Variants in SFXN4 observed in about 807,000 individuals in gnomAD.
The protein encoded by SFXN4 is sideroflexin 4, also known as sideroflexin-4.
A neutral mutation model predicts 54.6 loss-of-function variants in SFXN4; 48 were observed. The ratio of observed to expected loss-of-function variants is 0.88; its 90% CI spans 0.70 to 1.12. The LOEUF (loss-of-function observed/expected upper bound fraction) is 1.12, where lower values mean the gene tolerates loss of function less well. Among genes scored for constraint, SFXN4 ranks in the 50% most tolerant of loss-of-function variants. SFXN4 has a pLI of 0.00. For synonymous variants in SFXN4, 130 were observed against 145.5 expected, an observed-to-expected ratio of 0.89 and a Z score of 0.77; for missense variants, 383 against 409.2, an observed-to-expected ratio of 0.94 and a Z score of 0.55.
chr10:119,146,464 C>CGTGT lies in SFXN4; in HGVS notation c.819-115_819-112dup, dbSNP rs33947324. On this transcript the variant is annotated intron_variant, in intron 12 of 13. Transcript: ENST00000355697. Reference sequence around the variant, plus strand: ...GTGTGTGTGTGTGTGTGTGTGTGCACGTGTGTGTGTACCTGAACACCTGGA... The same window carrying CGTGT: ...GTGTGTGTGTGTGTGTGTGTGTGCACGTGTGTGTGTGTGTACCTGAACACCTGGA... 2.2e-4 allele frequency: 109 copies of CGTGT among 488,450 alleles called. No homozygotes were observed. In the East Asian group the frequency reaches 3.5e-3, roughly 16 times the overall value. The allele number at this position is 488,450 out of a possible 1,614,324, so 30.3% of individuals were successfully genotyped here. A position where few individuals can be genotyped will look rare whatever the true frequency, so the allele number is the denominator to read the frequency against.
chr10:119,153,787 C>T (rs1403509441), intron 11 of SFXN4, among the ~76,000 whole-genome samples: 25 of 152,182 alleles, frequency 1.6e-4, no homozygotes, highest in Admixed American at 1.6e-3. Flanking sequence ...GTCACCATGG[C>T]AACAGTACCC....
chr10:119,164,388 G>A (rs1402187197), intron 1 of SFXN4, among the ~76,000 whole-genome samples, 192 bp from the exon 2 acceptor site: 2 of 151,936 alleles, frequency 1.3e-5, no homozygotes, highest in Non-Finnish European at 1.5e-5. Context: ...GGCTTAGAGG[G>A]ACTCCTGAAT....
intron 10 of SFXN4, among the ~76,000 whole-genome samples, chr10:119,155,735 C>T (rs1049919334): frequency 6.6e-6 from 1 of 152,128 alleles, no homozygotes; most frequent in Non-Finnish European, 1.5e-5. Flanking sequence ...TCAAGTGATC[C>T]ACCCGCAATG....
At position 119,146,303 on chromosome 10, in the gene SFXN4, G is replaced by C. The variant is rs763996289; in HGVS notation, c.869C>G (p.Ser290Cys). 7 of 1,613,644 alleles carry C rather than the reference G, an allele frequency of 4.3e-6. No homozygotes were observed. The East Asian group carries it at 1.6e-4, about 36-fold the overall frequency. ...NPGSLWILKL[S>C]CTVLAMGLMV... is the part of the protein sequence containing the mutation. ...CAGTCCCATTGCCAGGACAGTACAAGACAGTTTCAAAATCCACAATGACCC... is the reference window on the plus strand; with the variant it reads ...CAGTCCCATTGCCAGGACAGTACAACACAGTTTCAAAATCCACAATGACCC... The change falls in exon 13 of 14, where the codon TCT becomes TGT. Residue 290 changes from serine (S) to cysteine (C), a missense_variant. Physicochemically the swap from Ser to Cys is moderately radical, Grantham distance 112 (BLOSUM62 -1). Transcript: ENST00000355697.
intron 13 of SFXN4, among the ~76,000 whole-genome samples, chr10:119,143,916 T>C (rs939369185): frequency 6.6e-6 from 1 of 152,184 alleles, no homozygotes; most frequent in African/African-American, 2.4e-5. Flanking sequence ...GTGCCTGGCC[T>C]GAAATTTTAT....
At chr10:119,148,131 C>T (rs549143544) in intron 11 of SFXN4, among the ~76,000 whole-genome samples, 10 of 152,170 alleles carry the variant, frequency 6.6e-5, no homozygotes, top group African/African-American at 2.2e-4. Context: ...AAGATCACGC[C>T]ACTGCACTCC....
rs987632424 is a variant in SFXN4, at chr10:119,146,299, A to G, written c.873T>C (p.Cys291=). ...CCATCAGTCCCATTGCCAGGACAGT[A>G]CAAGACAGTTTCAAAATCCACAATG... ...PGSLWILKLS[C]TVLAMGLMVP... Residue 291 remains cysteine, a synonymous_variant, in exon 13 of 14, where the codon TGT becomes TGC. Coordinates refer to ENST00000355697, the MANE Select transcript of SFXN4 (RefSeq NM_213649.2). 13 of 1,613,826 alleles carry G rather than the reference A, an allele frequency of 8.1e-6. No individual in the cohort carries two copies. Among genetic ancestry groups the G allele is most frequent in the Admixed American group, 5.0e-5 (3 of 59,982 alleles).
chr10:119,164,071 C>CA, intron 2 of SFXN4, 60 bp downstream of exon 2: 1 of 766,508 alleles, frequency 1.3e-6, no homozygotes, highest in Non-Finnish European at 2.1e-6. Context: ...AAAAGGGACA[C>CA]ACAGACTTCA....
chr10:119,149,607 G>A (rs1305559149), intron 11 of SFXN4, among the ~76,000 whole-genome samples: 4 of 152,106 alleles, frequency 2.6e-5, no homozygotes, highest in East Asian at 3.9e-4. Flanking sequence ...AAAATTAGCC[G>A]GGCGTGGTGG....
intron 12 of SFXN4, among the ~76,000 whole-genome samples, chr10:119,147,335 C>G (rs776016042): frequency 1.2e-4 from 19 of 152,224 alleles, no homozygotes; most frequent in Non-Finnish European, 2.6e-4. Context: ...GGTCCTCCGC[C>G]TCGTAGGCCA....
Position 119,155,116 on chromosome 10 carries a change from C to G in SFXN4, c.678G>C (p.Ala226=). 1 of 1,614,176 alleles carries G rather than the reference C, an allele frequency of 6.2e-7. No individual in the cohort carries two copies. The highest frequency in any genetic ancestry group is 8.5e-7 in the Non-Finnish European group (1 of 1,179,996). Residue 226 remains alanine, a synonymous_variant, in exon 11 of 14, where the codon GCG becomes GCC. Transcript: ENST00000355697. ...GGACATTGCCTTCCTTGTCCATGAC[C>G]GCAATCCCCTTAATGGATTCAAGAC... ...SRSLESIKGI[A]VMDKEGNVLG...
intron 11 of SFXN4, among the ~76,000 whole-genome samples, chr10:119,153,852 C>G (rs1420635092): frequency 6.6e-6 from 1 of 152,146 alleles, no homozygotes; most frequent in Non-Finnish European, 1.5e-5. Context: ...TCTGCAGACA[C>G]AGGGCACGTC....
Position 119,160,736 on chromosome 10 carries a change from C to T in SFXN4, c.334+179G>A, listed in dbSNP as rs567528584. Among the ~76,000 whole-genome samples the T allele has an allele frequency of 1.7e-3, 254 of 152,032 alleles. 4 individuals are homozygous for T. The highest frequency in any genetic ancestry group is 5.8e-3 in the African/African-American group (241 of 41,494). On this transcript the variant is annotated intron_variant, in intron 5 of 13. Transcript: ENST00000355697. The stretch of plus-strand genomic sequence containing the variant: ...TCAGCCTCCTGAGTAACTGGGACTA[C>T]AGGCACGTGCCACCACAATGCCCAA...
chr10:119,161,443 A>T (rs1199870744), intron 3 of SFXN4, among the ~76,000 whole-genome samples: 1 of 151,892 alleles, frequency 6.6e-6, no homozygotes, highest in South Asian at 2.1e-4. Context: ...AAAACAAAAA[A>T]AAAAAAAAAG....
intron 6 of SFXN4, 135 bp from the exon 7 acceptor site, chr10:119,158,197 A>G (rs1589643798): frequency 2.5e-6 from 2 of 787,218 alleles, no homozygotes; most frequent in Non-Finnish European, 4.4e-6. Context: ...TGGTGGGTAC[A>G]GGGGCTGCCG....
rs1435817142 is a variant in SFXN4, at chr10:119,162,390, G to T, written c.202C>A (p.Leu68Ile). The T allele has an allele frequency of 6.2e-7, 1 of 1,614,074 alleles. No homozygotes were observed. Residue 68 changes from leucine to isoleucine, a missense_variant, in exon 3 of 14, where the codon CTA becomes ATA. Transcript: ENST00000355697. ...SVESIENSRQLLCTNEDVSSP... is the reference protein window; with the variant it reads ...SVESIENSRQILCTNEDVSSP... ...GAAACATCTTCATTTGTGCACAATA[G>T]TTGCCTCGAGTTTTCTATACTTTCC...
At chr10:119,157,610 T>C in intron 9 of SFXN4, 58 bp downstream of exon 9, 1 of 1,375,990 alleles carries the variant, frequency 7.3e-7, no homozygotes, top group East Asian at 2.3e-5. Flanking sequence ...TTGGAATAAA[T>C]AAAACTTCCT....
intron 12 of SFXN4, among the ~76,000 whole-genome samples, chr10:119,146,754 AGAC>A (rs1260541914): frequency 2.6e-5 from 4 of 152,166 alleles, no homozygotes; most frequent in African/African-American, 7.2e-5. Flanking sequence ...TTTTCAGTAG[AGAC>A]GGGGTTCACC....
chr10:119,156,074 AGTT>A (rs1252756374), intron 10 of SFXN4, among the ~76,000 whole-genome samples: 1 of 152,120 alleles, frequency 6.6e-6, no homozygotes, highest in Non-Finnish European at 1.5e-5. Context: ...CCTACCCATA[AGTT>A]GTTGTCGGGA....
Sources: allele counts gnomAD v4.1 joint callset (sites outside exome capture counted in the v4.1 genomes callset), GRCh38; gene constraint gnomAD v4.1.1; transcripts MANE v1.5; gene names NCBI Gene and HGNC (gene_info 2026-07-23, HGNC 2026-07-21).